The following EIF4G3 variants were observed in gnomAD, a reference collection of about 807,000 sequenced individuals.
EIF4G3 encodes eukaryotic translation initiation factor 4 gamma 3.
Under a neutral mutation model 186.4 loss-of-function variants are expected in EIF4G3, and 34 were observed. The ratio of observed to expected loss-of-function variants is 0.18; its 90% CI spans 0.14 to 0.24. EIF4G3 has a LOEUF of 0.24. Ranked by LOEUF, EIF4G3 falls within the 10% of genes least tolerant of loss-of-function variation. The pLI, the probability that EIF4G3 is intolerant of heterozygous loss-of-function variation, is 1.00. For missense variants in EIF4G3, 1,536 were observed against 1,948.5 expected, an observed-to-expected ratio of 0.79 and a Z score of 3.99; for synonymous variants, 673 against 679.5, an observed-to-expected ratio of 0.99 and a Z score of 0.15.
rs1045839783 is a variant in EIF4G3 at position 20,869,550 on chromosome 1, T to G, written c.2623-4288A>C. On this transcript the variant is annotated intron_variant, in intron 20 of 36. Coordinates refer to ENST00000602326, the MANE Select transcript of EIF4G3 (RefSeq NM_001391906.1). ...CAGCACTTTGGGAAGCTGAGGCGGG[T>G]GGATCACGAGGTCAGGAGATTGAGA... Among the ~76,000 whole-genome samples, 26 of 150,902 alleles carry G rather than the reference T, an allele frequency of 1.7e-4. No homozygotes were observed. The East Asian group carries it at 5.1e-3, about 29-fold the overall frequency.
At chr1:21,132,010 A>T (rs956797333) in intron 2 of EIF4G3, among the ~76,000 whole-genome samples, 1 of 152,120 alleles carries the variant, frequency 6.6e-6, no homozygotes, top group African/African-American at 2.4e-5. Flanking sequence ...AGAAAGAAAA[A>T]TACTTGTCAA....
At chr1:21,140,497 A>T (rs1221516461) in intron 2 of EIF4G3, among the ~76,000 whole-genome samples, 3 of 152,138 alleles carry the variant, frequency 2.0e-5, no homozygotes, top group Non-Finnish European at 4.4e-5. Context: ...TATTTTTATT[A>T]GAGATGGGGT....
chr1:20,927,605 T>C (rs1352886826), intron 14 of EIF4G3, among the ~76,000 whole-genome samples: 1 of 152,086 alleles, frequency 6.6e-6, no homozygotes, highest in African/African-American at 2.4e-5. Context: ...AATGAATGGT[T>C]AGATAGCTGG....
At chr1:20,903,959 T>C (rs1175095773) in intron 15 of EIF4G3, among the ~76,000 whole-genome samples, 1 of 152,232 alleles carries the variant, frequency 6.6e-6, no homozygotes, top group Non-Finnish European at 1.5e-5. Context: ...AGATTTACAT[T>C]GCTCTTCATT....
Position 20,878,145 on chromosome 1 carries a change from G to A in EIF4G3, c.2622+1178C>T, listed in dbSNP as rs187917518. On this transcript the variant is annotated intron_variant, in intron 20 of 36. Transcript: ENST00000602326. ...GCCTCCCAAAGTGCTGAGATTACAG[G>A]CATAAGCCACCTTGCCCAGCCTGGA... Among the ~76,000 whole-genome samples the A allele has an allele frequency of 4.2e-3, 641 of 152,178 alleles. 3 individuals carry two copies. Among genetic ancestry groups the A allele is most frequent in the Non-Finnish European group, 5.8e-3 (392 of 68,012 alleles).
At chr1:20,901,979 C>G (rs2090456545) in intron 15 of EIF4G3, among the ~76,000 whole-genome samples, 1 of 151,898 alleles carries the variant, frequency 6.6e-6, no homozygotes, top group Admixed American at 6.6e-5. Flanking sequence ...TGATGAAATG[C>G]TCTAAAATTT....
chr1:20,868,108 T>TTTTTTGG (rs2078090505), intron 20 of EIF4G3, among the ~76,000 whole-genome samples: 1 of 147,568 alleles, frequency 6.8e-6, no homozygotes, highest in African/African-American at 2.5e-5. Context: ...TTTTTTTTTG[T>TTTTTTGG]CCTTAGGGGA....
Position 20,997,582 on chromosome 1 carries a change from A to G in EIF4G3, c.177+19T>C. 1 of 1,549,948 alleles carries G rather than the reference A, an allele frequency of 6.5e-7. No individual in the cohort carries two copies. Among genetic ancestry groups the G allele is most frequent in the Non-Finnish European group, 8.7e-7 (1 of 1,146,384 alleles). On this transcript the variant is annotated intron_variant, in intron 7 of 36. Transcript: ENST00000602326. ...ATCTATTAGTTAAGGGTGATAGTGA[A>G]GGGGCAAGGGTACAGTACCTGATGA...
At chr1:20,953,168 TAACTC>T (rs1281035720) in intron 12 of EIF4G3, among the ~76,000 whole-genome samples, 2 of 152,116 alleles carry the variant, frequency 1.3e-5, no homozygotes, top group African/African-American at 4.8e-5. Flanking sequence ...AAATATAAAA[TAACTC>T]AATAAAGATG....
intron 6 of EIF4G3, among the ~76,000 whole-genome samples, chr1:20,999,566 T>C (rs1335426411): frequency 2.0e-5 from 3 of 152,250 alleles, no homozygotes; most frequent in Admixed American, 1.3e-4. Flanking sequence ...TTGTACATTT[T>C]GAATGTTCCA....
chr1:21,083,675 T>C (rs1267423889), intron 3 of EIF4G3, among the ~76,000 whole-genome samples: 1 of 152,160 alleles, frequency 6.6e-6, no homozygotes, highest in African/African-American at 2.4e-5. Context: ...TAGTTTTAAA[T>C]AGTAAAAATC....
At chr1:20,925,516 AAAT>A (rs1250035340) in intron 14 of EIF4G3, among the ~76,000 whole-genome samples, 1 of 152,170 alleles carries the variant, frequency 6.6e-6, no homozygotes, top group Non-Finnish European at 1.5e-5. Context: ...GCTATCACAT[AAAT>A]AATGACTTCT....
intron 32 of EIF4G3, among the ~76,000 whole-genome samples, chr1:20,826,233 C>T (rs2063577376): frequency 6.6e-6 from 1 of 152,204 alleles, no homozygotes; most frequent in East Asian, 1.9e-4. Flanking sequence ...GTGGCACAAT[C>T]TTGGCTCACT....
chr1:21,024,159 AG>A (rs2091562134), intron 4 of EIF4G3, among the ~76,000 whole-genome samples: 1 of 131,668 alleles, frequency 7.6e-6, no homozygotes, highest in Non-Finnish European at 1.8e-5. Context: ...CCCGTCCGGG[AG>A]GGAGGTGGGG....
Position 20,851,261 on chromosome 1 carries a change from A to T in EIF4G3, c.3769T>A (p.Ser1257Thr), listed in dbSNP as rs760844117. The change falls in exon 28 of 37, where the codon TCA becomes ACA. Residue 1257 changes from serine (S) to threonine (T), a missense_variant. By Grantham distance (58) the Ser-to-Thr change is moderately conservative. Transcript: ENST00000602326. ...CTGTTTAAGCCAAGTCTCTCACCTG[A>T]CTCCCTTGTTTTATTTCGCTCAGCC... ...TEAERNKTRE[S>T]AKPEISAMSA... 4.3e-5 allele frequency: 69 copies of T among 1,613,686 alleles called. 1 individual carries two copies. The South Asian group carries it at 7.2e-4, about 17-fold the overall frequency.
chr1:21,129,580 AG>A (rs1193960500), intron 2 of EIF4G3, among the ~76,000 whole-genome samples: 1 of 152,000 alleles, frequency 6.6e-6, no homozygotes, highest in Non-Finnish European at 1.5e-5. Context: ...CTCCACAGCT[AG>A]GAACAGGCAC....
intron 7 of EIF4G3, among the ~76,000 whole-genome samples, chr1:20,987,728 C>T (rs983339049): frequency 6.6e-6 from 1 of 152,146 alleles, no homozygotes; most frequent in East Asian, 1.9e-4. Context: ...TTAGACCTTC[C>T]TATTCAGCAG....
At chr1:20,847,435 T>C (rs2071517603) in intron 29 of EIF4G3, among the ~76,000 whole-genome samples, 1 of 152,208 alleles carries the variant, frequency 6.6e-6, no homozygotes, top group Non-Finnish European at 1.5e-5. Context: ...CCTATTGTAC[T>C]CTTTAGGTGT....
intron 20 of EIF4G3, 149 bp downstream of exon 20, chr1:20,879,174 T>C (rs2081641121): frequency 1.8e-6 from 1 of 565,796 alleles, no homozygotes; most frequent in Non-Finnish European, 2.7e-6. Flanking sequence ...AGCAAGATTG[T>C]CTTTAATAAT....
Sources: gnomAD v4.1 joint callset for allele counts (sites outside exome capture counted in the v4.1 genomes callset) on GRCh38, gnomAD v4.1.1 for gene constraint, MANE v1.5 for transcripts, NCBI Gene and HGNC (gene_info 2026-07-23, HGNC 2026-07-21) for gene names.